Variants in FAS observed in about 807,000 individuals in gnomAD.
FAS encodes tumor necrosis factor receptor superfamily member 6.
Under a neutral mutation model 33.2 loss-of-function variants are expected in FAS, and 5 were observed. The ratio of observed to expected loss-of-function variants is 0.15; its 90% CI spans 0.08 to 0.32. The LOEUF (loss-of-function observed/expected upper bound fraction) is 0.32. FAS is among the 10% of genes least tolerant of loss of function. FAS has a pLI of 1.00. For missense variants in FAS, 339 were observed against 386.0 expected, an observed-to-expected ratio of 0.88 and a Z score of 1.02; for synonymous variants, 131 against 130.7, an observed-to-expected ratio of 1.00 and a Z score of -0.01.
chr10:88,985,866 C>A (rs567582794), upstream of FAS, among the ~76,000 whole-genome samples: 4 of 152,314 alleles, frequency 2.6e-5, no homozygotes, highest in East Asian at 5.8e-4. Flanking sequence ...CTTAAGCCAA[C>A]CTTTCCAGAA....
intron 2 of FAS, among the ~76,000 whole-genome samples, chr10:88,977,159 G>A (rs4522080): frequency 6.7e-6 from 1 of 149,406 alleles, no homozygotes; most frequent in Non-Finnish European, 1.5e-5. Flanking sequence ...CAGAAGCTCT[G>A]TAGTTTAATT....
chr10:88,973,465 A>G (rs970309911), intron 2 of FAS: 1 of 887,636 alleles, frequency 1.1e-6, no homozygotes, highest in Non-Finnish European at 1.6e-6. Flanking sequence ...AAAACACGTC[A>G]TTTCATCTTG....
chr10:89,012,755 G>A (rs1303820154), intron 7 of FAS: 1 of 153,964 alleles, frequency 6.5e-6, no homozygotes, highest in Non-Finnish European at 1.4e-5. Context: ...TGCTCTTAAA[G>A]TTTGTCATAA....
chr10:89,002,997 A>T (rs369548085), intron 1 of FAS, 32 bp from the exon 2 acceptor site: 16 of 1,613,384 alleles, frequency 9.9e-6, no homozygotes, highest in Non-Finnish European at 1.3e-5. Flanking sequence ...TTCAGAAATC[A>T]ATAAAATTCT....
At chr10:89,012,545 A>T (rs1247298239) in intron 7 of FAS, 1 of 160,778 alleles carries the variant, frequency 6.2e-6, no homozygotes, top group African/African-American at 2.4e-5. Flanking sequence ...CTCACAGATG[A>T]ATTATGATAT....
At chr10:88,979,285 A>T (rs1846651828) in intron 2 of FAS, among the ~76,000 whole-genome samples, 1 of 152,082 alleles carries the variant, frequency 6.6e-6, no homozygotes, top group African/African-American at 2.4e-5. Flanking sequence ...AAATGAGGTC[A>T]GCGAGTTTCC....
At chr10:88,990,610 ATCC>A (rs1168837558), upstream of FAS, 3 of 683,890 alleles carry the variant, frequency 4.4e-6, no homozygotes, top group South Asian at 3.0e-5. The surrounding 1 kb of genome is among the most constrained non-coding windows in gnomAD (Gnocchi z 4.9). Context: ...CTTCCTTCCC[ATCC>A]TCCTGACCAC....
chr10:88,983,625 A>C (rs919331859), upstream of FAS, among the ~76,000 whole-genome samples: 2 of 147,458 alleles, frequency 1.4e-5, no homozygotes, highest in African/African-American at 2.5e-5. Context: ...AAAAAAAAAA[A>C]AAAAAAAAAA....
At chr10:88,966,219 T>C (rs1246950202) in intron 1 of FAS, among the ~76,000 whole-genome samples, 5 of 152,108 alleles carry the variant, frequency 3.3e-5, no homozygotes, top group Non-Finnish European at 5.9e-5. Context: ...TACAGAAGAA[T>C]AGTAAGGAAT....
chr10:88,985,995 T>C (rs1846870687), upstream of FAS, among the ~76,000 whole-genome samples: 1 of 152,254 alleles, frequency 6.6e-6, no homozygotes, highest in African/African-American at 2.4e-5. Context: ...TGGCAAGGAA[T>C]GCTGATTTTC....
chr10:89,006,120 GTA>G (rs1442473859), intron 2 of FAS, among the ~76,000 whole-genome samples: 1 of 152,122 alleles, frequency 6.6e-6, no homozygotes, highest in Non-Finnish European at 1.5e-5. Context: ...GTGGTTTACT[GTA>G]TCTCCATTAT....
At chr10:88,965,321 C>A (rs1846300662) in intron 1 of FAS, among the ~76,000 whole-genome samples, 1 of 152,172 alleles carries the variant, frequency 6.6e-6, no homozygotes, top group Non-Finnish European at 1.5e-5. Context: ...GGTTAAGCAA[C>A]TTTCTATTTT....
chr10:88,981,509 C>T (rs900199947), intron 2 of FAS, among the ~76,000 whole-genome samples: 2 of 151,878 alleles, frequency 1.3e-5, no homozygotes, highest in Non-Finnish European at 2.9e-5. Context: ...GACTAGTATC[C>T]GTGGAAAGGA....
intron 2 of FAS, among the ~76,000 whole-genome samples, chr10:88,977,101 C>T (rs894389876): frequency 6.6e-6 from 1 of 152,076 alleles, no homozygotes; most frequent in Non-Finnish European, 1.5e-5. Context: ...AATTTTCTCC[C>T]ATTTTGTAGG....
chr10:88,987,378 G>C (rs1175137090), upstream of FAS, among the ~76,000 whole-genome samples: 1 of 152,204 alleles, frequency 6.6e-6, no homozygotes, highest in African/African-American at 2.4e-5. Context: ...AATTTGTAGA[G>C]TTGGGTAACT....
chr10:88,967,882 A>G (rs1470586357), intron 1 of FAS, among the ~76,000 whole-genome samples: 1 of 152,234 alleles, frequency 6.6e-6, no homozygotes, highest in African/African-American at 2.4e-5. Flanking sequence ...AACTACTTGA[A>G]ATAAATATGA....
chr10:88,982,505 C>A (rs772890150), upstream of FAS, among the ~76,000 whole-genome samples: 1 of 150,832 alleles, frequency 6.6e-6, no homozygotes, highest in African/African-American at 2.4e-5. Flanking sequence ...ACATGTCCCA[C>A]GACAGAAATA....
At chr10:88,974,675 A>G (rs1295216992) in intron 2 of FAS, 2 of 152,218 alleles carry the variant, frequency 1.3e-5, no homozygotes, top group African/African-American at 4.8e-5. Context: ...TAAGTAATAC[A>G]AACATTTCTG....
Position 89,010,828 on chromosome 10 carries a change from T to G in FAS, c.568+13T>G. 6.2e-7 allele frequency: 1 copy of G among 1,613,968 alleles called. No homozygotes were observed. Among genetic ancestry groups the G allele is most frequent in the Non-Finnish European group, 8.5e-7 (1 of 1,179,936 alleles). The stretch of plus-strand genomic sequence containing the variant: ...CTAATTGTTTGGGGTAAGTTCTTGC[T>G]TTGTTCAAACTGCAGATTGAAATAA... On this transcript the variant is annotated intron_variant, in intron 6 of 8. Coordinates refer to ENST00000652046, the MANE Select transcript of FAS (RefSeq NM_000043.6).
Sources: allele counts gnomAD v4.1 joint callset (sites outside exome capture counted in the v4.1 genomes callset), GRCh38; gene constraint gnomAD v4.1.1; non-coding constraint Gnocchi (gnomAD v3.1); transcripts MANE v1.5; gene names NCBI Gene and HGNC (gene_info 2026-07-23, HGNC 2026-07-21).